The following ARL13A variants were observed in gnomAD, a reference collection of about 807,000 sequenced individuals.
ARL13A encodes ADP-ribosylation factor-like protein 13A.
Under a neutral mutation model 19.1 loss-of-function variants are expected in ARL13A, and 16 were observed. The ratio of observed to expected loss-of-function variants is 0.84; its 90% CI spans 0.57 to 1.27. The LOEUF is 1.27. Ranked by LOEUF, ARL13A falls within the 50% of genes most tolerant of loss-of-function variation. The pLI is 0.00. For synonymous variants in ARL13A, 69 were observed against 71.3 expected (o/e 0.97, Z 0.17); for missense variants, 153 against 186.4 (o/e 0.82, Z 1.04).
At chrX:100,979,917 T>C (rs1195574183) in intron 3 of ARL13A, among the ~76,000 whole-genome samples, 1 of 111,695 alleles carries the variant, frequency 9.0e-6, no homozygotes, top group Non-Finnish European at 1.9e-5. Context: ...GCAAAGTCTC[T>C]TGTTCTTTTC....
chrX:100,981,733 C>A (rs2085859507), intron 3 of ARL13A, among the ~76,000 whole-genome samples: 1 of 108,114 alleles, frequency 9.2e-6, no homozygotes, highest in Non-Finnish European at 1.9e-5. Flanking sequence ...CACTTGAGTC[C>A]AGGAGGTCAA....
intron 3 of ARL13A, among the ~76,000 whole-genome samples, chrX:100,984,118 GTT>G (rs768378066): frequency 1.0e-5 from 1 of 97,961 alleles, no homozygotes. Flanking sequence ...TTTGTTTTTT[GTT>G]TTTTTTTTTT....
intron 1 of ARL13A, among the ~76,000 whole-genome samples, 184 bp from the exon 2 acceptor site, chrX:100,973,492 C>A (rs961019239): frequency 9.1e-6 from 1 of 110,421 alleles, no homozygotes; most frequent in Non-Finnish European, 1.9e-5. Flanking sequence ...ATCCTCCCGG[C>A]GGTCGGGCGG....
chrX:100,985,877 T>C lies in ARL13A; in HGVS notation c.341T>C (p.Leu114Pro), dbSNP rs1156377041. 8.3e-7 allele frequency: 1 copy of C among 1,207,887 alleles called. No individual in the cohort carries two copies. The highest frequency in any genetic ancestry group is 1.1e-6 in the Non-Finnish European group (1 of 894,392). The change falls in exon 4 of 8, where the codon CTG becomes CCG. Residue 114 changes from leucine (L) to proline (P), a missense_variant. Coordinates refer to ENST00000450049, the MANE Select transcript of ARL13A (RefSeq NM_001162491.2). ...MQEVKIILTH[L>P]LSDKRVAGKP... is the part of the protein sequence containing the mutation. The stretch of plus-strand genomic sequence containing the variant: ...GAAGTGAAGATCATCTTAACACATC[T>C]GCTGTCCGATAAAAGAGTGGCAGGG...
intron 3 of ARL13A, among the ~76,000 whole-genome samples, chrX:100,982,649 CTTTT>C (rs386419376): frequency 1.2e-5 from 1 of 84,499 alleles, no homozygotes. Context: ...CTACAGTTTT[CTTTT>C]TTTTTTTTTT....
At chrX:100,988,508 G>C in intron 7 of ARL13A, 2 of 1,167,678 alleles carry the variant, frequency 1.7e-6, no homozygotes, top group East Asian at 6.4e-5. Flanking sequence ...TACAATTGAA[G>C]GAGTGGCTTA....
At chrX:100,989,592 G>C (rs2085991769) in intron 7 of ARL13A, among the ~76,000 whole-genome samples, 1 of 104,549 alleles carries the variant, frequency 9.6e-6, no homozygotes, top group Non-Finnish European at 2.0e-5. Flanking sequence ...CCTGGCAACA[G>C]AGCGGGACTC....
intron 1 of ARL13A, among the ~76,000 whole-genome samples, chrX:100,970,258 A>AT (rs1376941378): frequency 8.9e-6 from 1 of 112,717 alleles, no homozygotes; most frequent in Non-Finnish European, 1.9e-5. Flanking sequence ...TTTGTCTGGC[A>AT]TAAGCCAGAG....
chrX:100,987,504 A>G lies in ARL13A; in HGVS notation c.601A>G (p.Ile201Val). Residue 201 changes from isoleucine to valine, a missense_variant, in exon 6 of 8, where the codon ATC becomes GTC. Transcript: ENST00000450049. ...TTGCCAACTACCACCTACCTCGAGC[A>G]TCTCAATCTCCAAGAATAACACAGG... ...DTCQLPPTSS[I>V]SISKNNTGSG... 1 of 1,211,560 alleles carries G rather than the reference A, an allele frequency of 8.3e-7. No individual in the cohort carries two copies. The highest frequency in any genetic ancestry group is 1.1e-6 in the Non-Finnish European group (1 of 895,477).
chrX:100,990,681 G>T lies in ARL13A; in HGVS notation c.*93G>T. ...CTTTACATCTTTGTACCGAGATGCTGCTGACAAAGCTTGTGGACAATAAGT... is the reference window on the plus strand; with the variant it reads ...CTTTACATCTTTGTACCGAGATGCTTCTGACAAAGCTTGTGGACAATAAGT... On this transcript the variant is annotated 3_prime_UTR_variant, in exon 8 of 8. Transcript: ENST00000450049. 1 of 923,751 alleles carries T rather than the reference G, an allele frequency of 1.1e-6. No individual in the cohort carries two copies. The highest frequency in any genetic ancestry group is 1.5e-6 in the Non-Finnish European group (1 of 656,988). The allele number at this position is 923,751 out of a possible 1,213,427, so 76.1% of individuals were successfully genotyped here. A position where few individuals can be genotyped will look rare whatever the true frequency, so the allele number is the denominator to read the frequency against.
intron 1 of ARL13A, among the ~76,000 whole-genome samples, chrX:100,972,385 G>A (rs1339541594): frequency 3.7e-4 from 35 of 94,322 alleles, no homozygotes; most frequent in Non-Finnish European, 5.4e-4. Flanking sequence ...CCTCCCGGAC[G>A]GGGCGGCTGG....
chrX:100,976,096 TAGC>T (rs917816000), intron 3 of ARL13A, among the ~76,000 whole-genome samples: 2 of 110,703 alleles, frequency 1.8e-5, no homozygotes, highest in African/African-American at 6.6e-5. Flanking sequence ...AGAAGGTAAA[TAGC>T]AGCAGGAAAA....
intron 3 of ARL13A, among the ~76,000 whole-genome samples, chrX:100,975,471 T>C (rs1020277503): frequency 5.4e-5 from 6 of 111,447 alleles, no homozygotes; most frequent in Non-Finnish European, 1.1e-4. Flanking sequence ...ATCCCCTAAA[T>C]TGTGAGCCTC....
At chrX:100,988,347 CT>C (rs1482957281) in intron 7 of ARL13A, 64 bp downstream of exon 7, 3 of 1,204,978 alleles carry the variant, frequency 2.5e-6, no homozygotes, top group East Asian at 5.9e-5. Context: ...CACCAACTAA[CT>C]TTCCCCCCCA....
chrX:100,983,778 G>A (rs1411061182), intron 3 of ARL13A, among the ~76,000 whole-genome samples: 1 of 111,624 alleles, frequency 9.0e-6, no homozygotes, highest in Non-Finnish European at 1.9e-5. Flanking sequence ...GAAATCAGAA[G>A]AGATGTTATG....
chrX:100,973,849 G>C lies in ARL13A; in HGVS notation c.59+101G>C, dbSNP rs1205618319. On this transcript the variant is annotated intron_variant, in intron 2 of 7. Transcript: ENST00000450049. The stretch of plus-strand genomic sequence containing the variant: ...AAATCTTCATAATATATATTGTTAG[G>C]TGAAGTGATTAAGCAGTGTTTGTAA... 4.5e-6 allele frequency: 4 copies of C among 894,137 alleles called. No homozygotes were observed. In the African/African-American group the frequency reaches 5.9e-5, roughly 13 times the overall value. The allele number at this position is 894,137 out of a possible 1,213,427, so 73.7% of individuals were successfully genotyped here.
chrX:100,990,055 G>A (rs1478680741), intron 7 of ARL13A, among the ~76,000 whole-genome samples: 1 of 112,711 alleles, frequency 8.9e-6, no homozygotes. Flanking sequence ...AAAAGAGAAT[G>A]GATACCTGGG....
rs967112159 is a variant in ARL13A at position 100,987,357 on chromosome X, A to G, written c.487-33A>G. The G allele has an allele frequency of 8.3e-6, 10 of 1,198,241 alleles. No individual in the cohort carries two copies. The African/African-American group carries it at 1.8e-4, about 21-fold the overall frequency. On this transcript the variant is annotated intron_variant, in intron 5 of 7. Coordinates refer to ENST00000450049, the MANE Select transcript of ARL13A (RefSeq NM_001162491.2). Reference sequence around the variant, plus strand: ...GCGGGCCCCAGGGGTCCCAGGCTCCAGGTCTGCAGCCTTCTCTTCTCTTTT... The same window carrying G: ...GCGGGCCCCAGGGGTCCCAGGCTCCGGGTCTGCAGCCTTCTCTTCTCTTTT...
At chrX:100,990,524 C>G in intron 7 of ARL13A, 38 bp from the exon 8 acceptor site, 1 of 1,106,627 alleles carries the variant, frequency 9.0e-7, no homozygotes, top group Non-Finnish European at 1.2e-6. Context: ...TATCACATCC[C>G]TGAGAACCCC....
Sources: gnomAD v4.1 joint callset for allele counts (sites outside exome capture counted in the v4.1 genomes callset) on GRCh38, gnomAD v4.1.1 for gene constraint, MANE v1.5 for transcripts, NCBI Gene and HGNC (gene_info 2026-07-23, HGNC 2026-07-21) for gene names.